KLHL8: variants seen among roughly 807,000 people sequenced by gnomAD.
KLHL8 encodes the protein kelch like family member 8.
In KLHL8, 38 loss-of-function variants were observed where a neutral mutation model predicts 63.5. The ratio of observed to expected loss-of-function variants is 0.60; its 90% CI spans 0.46 to 0.78. KLHL8 has a LOEUF of 0.78. Among genes scored for constraint, KLHL8 ranks in the 30% least tolerant of loss-of-function variants. The pLI is 0.00. For missense variants in KLHL8, 566 were observed against 752.4 expected (o/e 0.75, Z 2.90); for synonymous variants, 224 against 254.3 (o/e 0.88, Z 1.13).
At chr4:87,198,381 C>T (rs985393243) in intron 1 of KLHL8, among the ~76,000 whole-genome samples, 3 of 152,130 alleles carry the variant, frequency 2.0e-5, no homozygotes, top group Non-Finnish European at 4.4e-5. Flanking sequence ...TCATAGTTTG[C>T]TGATCCCTGA....
intron 1 of KLHL8, chr4:87,207,431 C>A: frequency 1.4e-6 from 1 of 701,996 alleles, no homozygotes; most frequent in Non-Finnish European, 2.6e-6. Context: ...CAGGAAGGAG[C>A]CAAAAGGGTC....
rs897015548 is a variant in KLHL8, at chr4:87,163,766, A to T, written c.1739+112T>A. On this transcript the variant is annotated intron_variant, in intron 9 of 9. Coordinates refer to ENST00000273963, the MANE Select transcript of KLHL8 (RefSeq NM_020803.5). ...GGACAGCAAGCTTCCAGTGGGAGAT[A>T]AGATATCCCAAAGCTTAGTATTAAC... The T allele has an allele frequency of 2.7e-6, 4 of 1,501,830 alleles. No individual in the cohort carries two copies. The South Asian group carries it at 3.6e-5, about 14-fold the overall frequency. 93.0% of individuals were successfully genotyped at this position (1,501,830 alleles called of 1,614,324 possible).
chr4:87,195,244 G>C, intron 2 of KLHL8, 80 bp downstream of exon 2: 1 of 1,084,668 alleles, frequency 9.2e-7, no homozygotes, highest in African/African-American at 1.6e-5. Flanking sequence ...AACAAAATTT[G>C]CCTTGTATGG....
In KLHL8 at chr4:87,185,539, G is replaced by A; in HGVS notation, c.477C>T (p.Tyr159=). ...VELVARACCE[Y]MKLHFHPSNC... is the part of the protein sequence containing the mutation. ...TGGAGGGATGAAAATGTAACTTCAT[G>A]TATTCACAACAAGCTCTAGCCACCA... is the stretch of plus-strand genomic sequence containing the variant. The change falls in exon 3 of 10, where the codon TAC becomes TAT. Residue 159 remains tyrosine, a synonymous_variant. Transcript: ENST00000273963. 1 of 1,614,170 alleles carries A rather than the reference G, an allele frequency of 6.2e-7. No individual in the cohort carries two copies. Among genetic ancestry groups the A allele is most frequent in the Non-Finnish European group, 8.5e-7 (1 of 1,180,032 alleles).
chr4:87,229,204 A>G (rs73839124), intron 1 of KLHL8, among the ~76,000 whole-genome samples: 5,689 of 152,234 alleles, frequency 0.037, 364 homozygotes, highest in African/African-American at 0.13. Flanking sequence ...GAGGGTAATT[A>G]GATATATGCC....
rs189364152 is a variant in KLHL8 at position 87,195,634 on chromosome 4, C to T, written c.-95G>A. 6 of 984,104 alleles carry T rather than the reference C, an allele frequency of 6.1e-6. No homozygotes were observed. In the East Asian group the frequency reaches 1.4e-4, roughly 24 times the overall value. The allele number at this position is 984,104 out of a possible 1,614,324, so 61.0% of individuals were successfully genotyped here. ...AGAAGGCAGAAGGTAGATGTAGACA[C>T]TACAATTCAGACGTTTTTCAAAACC... On this transcript the variant is annotated 5_prime_UTR_variant, in exon 2 of 10. In the 5' UTR this introduces an upstream ATG that the reference lacks. Coordinates refer to ENST00000273963, the MANE Select transcript of KLHL8 (RefSeq NM_020803.5).
At chr4:87,206,609 T>C (rs913450050) in intron 1 of KLHL8, among the ~76,000 whole-genome samples, 8 of 152,338 alleles carry the variant, frequency 5.3e-5, no homozygotes, top group African/African-American at 1.7e-4. Context: ...TGGTGGGAGA[T>C]GGGGTTTCAA....
At chr4:87,227,822 T>C (rs370106103) in intron 1 of KLHL8, among the ~76,000 whole-genome samples, 17 of 152,308 alleles carry the variant, frequency 1.1e-4, no homozygotes, top group African/African-American at 4.1e-4. Flanking sequence ...GTCAGGGCTT[T>C]TGGTTTTATA....
At chr4:87,205,512 T>C (rs1560711695) in intron 1 of KLHL8, among the ~76,000 whole-genome samples, 1 of 152,154 alleles carries the variant, frequency 6.6e-6, no homozygotes, top group Non-Finnish European at 1.5e-5. Flanking sequence ...AATTAAATCA[T>C]TTAGTCCTCA....
At chr4:87,185,828 G>C in intron 2 of KLHL8, 29 bp from the exon 3 acceptor site, 1 of 1,515,344 alleles carries the variant, frequency 6.6e-7, no homozygotes, top group Non-Finnish European at 8.8e-7. Flanking sequence ...GAAAGATTCT[G>C]TTTAATATCA....
intron 2 of KLHL8, among the ~76,000 whole-genome samples, chr4:87,187,473 A>T (rs1731310787): frequency 6.6e-6 from 1 of 151,608 alleles, no homozygotes; most frequent in Non-Finnish European, 1.5e-5. Flanking sequence ...TGAACTACAA[A>T]TTTTTTATTT....
chr4:87,224,471 T>C (rs1732938865), upstream of KLHL8, among the ~76,000 whole-genome samples: 1 of 152,132 alleles, frequency 6.6e-6, no homozygotes. Flanking sequence ...TTATCTTCAT[T>C]TGCTAGGGAG....
At chr4:87,211,868 C>A (rs1732420279) in intron 1 of KLHL8, among the ~76,000 whole-genome samples, 2 of 152,122 alleles carry the variant, frequency 1.3e-5, no homozygotes, top group Admixed American at 6.5e-5. Flanking sequence ...CATAGTTAAA[C>A]TTAAGTGTGA....
intron 1 of KLHL8, among the ~76,000 whole-genome samples, chr4:87,215,662 A>T (rs996595368): frequency 6.6e-6 from 1 of 152,222 alleles, no homozygotes; most frequent in Non-Finnish European, 1.5e-5. Context: ...CCCAGCAATC[A>T]TTATACAAGG....
At chr4:87,214,632 T>C (rs1732530936) in intron 1 of KLHL8, among the ~76,000 whole-genome samples, 1 of 151,808 alleles carries the variant, frequency 6.6e-6, no homozygotes, top group Non-Finnish European at 1.5e-5. Context: ...CAATAGAGAC[T>C]TGCCTGACTA....
At chr4:87,216,280 A>G (rs1488853329) in intron 1 of KLHL8, among the ~76,000 whole-genome samples, 1 of 152,214 alleles carries the variant, frequency 6.6e-6, no homozygotes, top group East Asian at 1.9e-4. Flanking sequence ...ATCAACTTCT[A>G]GCTTTGGAAG....
chr4:87,215,277 G>A (rs1327413078), intron 1 of KLHL8, among the ~76,000 whole-genome samples: 1 of 152,028 alleles, frequency 6.6e-6, no homozygotes, highest in African/African-American at 2.4e-5. Context: ...AATAACTAAA[G>A]ATCCAACGTA....
chr4:87,197,861 G>A, intron 1 of KLHL8, among the ~76,000 whole-genome samples: 1 of 152,038 alleles, frequency 6.6e-6, no homozygotes, highest in Admixed American at 6.6e-5. Context: ...AAGGGCCACA[G>A]AGTAGATATT....
chr4:87,213,272 A>G lies in KLHL8; in HGVS notation c.-152+7146T>C, dbSNP rs112632946. Among the ~76,000 whole-genome samples, 1,100 of 152,346 alleles carry G rather than the reference A, an allele frequency of 7.2e-3. 10 individuals are homozygous for G. The highest frequency in any genetic ancestry group is 0.025 in the African/African-American group (1,049 of 41,572). Reference sequence around the variant, plus strand: ...CATGCATGAACCTTAACAGGGGCCTATATTACTCATTATTTTTATTTGAGA... The same window carrying G: ...CATGCATGAACCTTAACAGGGGCCTGTATTACTCATTATTTTTATTTGAGA... On this transcript the variant is annotated intron_variant, in intron 1 of 9. Coordinates refer to ENST00000273963, the MANE Select transcript of KLHL8 (RefSeq NM_020803.5).
Sources: gnomAD v4.1 joint callset for allele counts (sites outside exome capture counted in the v4.1 genomes callset) on GRCh38, gnomAD v4.1.1 for gene constraint, MANE v1.5 for transcripts, NCBI Gene and HGNC (gene_info 2026-07-23, HGNC 2026-07-21) for gene names.